The following UNC5D variants were observed in gnomAD, a reference collection of about 807,000 sequenced individuals.
UNC5D encodes the protein unc-5 netrin receptor D, also known as netrin receptor UNC5D.
UNC5D carries 39 observed loss-of-function variants against 105.4 expected under a neutral mutation model. That is an observed-to-expected ratio of 0.37 (90% CI 0.29 to 0.48). The LOEUF (loss-of-function observed/expected upper bound fraction) is 0.48, where lower values mean the gene tolerates loss of function less well. Ranked by LOEUF, UNC5D falls within the 20% of genes least tolerant of loss-of-function variation. UNC5D has a pLI of 0.98. For synonymous variants in UNC5D, 452 were observed against 450.4 expected (o/e 1.00, Z -0.04); for missense variants, 991 against 1,202.4 (o/e 0.82, Z 2.60).
At chr8:35,568,898 G>A (rs1269556726) in intron 3 of UNC5D, among the ~76,000 whole-genome samples, 1 of 152,092 alleles carries the variant, frequency 6.6e-6, no homozygotes, top group East Asian at 1.9e-4. Context: ...GGGAAAAGTT[G>A]AGCAATGACT....
At chr8:35,452,975 A>G (rs1808260738) in intron 1 of UNC5D, among the ~76,000 whole-genome samples, 1 of 152,130 alleles carries the variant, frequency 6.6e-6, no homozygotes, top group Non-Finnish European at 1.5e-5. Flanking sequence ...ATTGATGTCT[A>G]GAGTCCAAAA....
intron 16 of UNC5D, among the ~76,000 whole-genome samples, chr8:35,785,139 A>G (rs1802685179): frequency 6.6e-6 from 1 of 152,010 alleles, no homozygotes; most frequent in Non-Finnish European, 1.5e-5. Context: ...TGTATTAACA[A>G]TGTTCCCTGA....
At chr8:35,406,722 G>A (rs1172414479) in intron 1 of UNC5D, among the ~76,000 whole-genome samples, 1 of 152,160 alleles carries the variant, frequency 6.6e-6, no homozygotes, top group African/African-American at 2.4e-5. Context: ...TTGAAGTGAT[G>A]CTCTGGATTT....
At chr8:35,259,793 T>C (rs1370784935) in intron 1 of UNC5D, among the ~76,000 whole-genome samples, 1 of 151,338 alleles carries the variant, frequency 6.6e-6, no homozygotes, top group Non-Finnish European at 1.5e-5. Context: ...GTAGAAGACA[T>C]ATCCTGCGGG....
chr8:35,566,011 G>A (rs1056172449), intron 2 of UNC5D, among the ~76,000 whole-genome samples: 6 of 152,112 alleles, frequency 3.9e-5, no homozygotes, highest in African/African-American at 1.4e-4. Flanking sequence ...CAAAGCAGCA[G>A]GAACAACATC....
chr8:35,390,556 G>C (rs1803706945), intron 1 of UNC5D, among the ~76,000 whole-genome samples: 1 of 152,058 alleles, frequency 6.6e-6, no homozygotes, highest in Non-Finnish European at 1.5e-5. Context: ...AGAATTGAAA[G>C]AAAATATTGT....
chr8:35,471,074 C>A (rs1030622982), intron 1 of UNC5D, among the ~76,000 whole-genome samples: 17 of 152,092 alleles, frequency 1.1e-4, no homozygotes, highest in African/African-American at 3.9e-4. Flanking sequence ...TCTAGTACCC[C>A]GGGGCCAGTT....
chr8:35,627,974 A>AT lies in UNC5D; in HGVS notation c.570+32325dup, dbSNP rs1288399714. On this transcript the variant is annotated intron_variant, in intron 4 of 16. Coordinates refer to ENST00000404895, the MANE Select transcript of UNC5D (RefSeq NM_080872.4). ...GTATTTACTCATCTAATGGGTTTAG[A>AT]TTTTTTTTGATTGGGGGTGTGGTTG... Among the ~76,000 whole-genome samples, 6 of 152,054 alleles carry AT rather than the reference A, an allele frequency of 3.9e-5. No individual in the cohort carries two copies. The East Asian group carries it at 9.7e-4, about 25-fold the overall frequency.
intron 1 of UNC5D, among the ~76,000 whole-genome samples, chr8:35,305,920 TTCTC>T (rs1221077795): frequency 2.1e-5 from 3 of 144,978 alleles, no homozygotes; most frequent in Non-Finnish European, 4.6e-5. Context: ...TTTCATTCTT[TTCTC>T]TCTCTCTCTC....
At chr8:35,790,063 G>A (rs142834550) in intron 16 of UNC5D, among the ~76,000 whole-genome samples, 2,031 of 152,164 alleles carry the variant, frequency 0.013, 44 homozygotes, top group African/African-American at 0.045. Context: ...GCAGTGAGCT[G>A]TGACTGTGCC....
At chr8:35,644,836 T>C (rs1040515936) in intron 4 of UNC5D, among the ~76,000 whole-genome samples, 1 of 152,182 alleles carries the variant, frequency 6.6e-6, no homozygotes, top group South Asian at 2.1e-4. Flanking sequence ...AAGAGTTAGA[T>C]GTTTATGTCT....
At chr8:35,696,592 T>A (rs1165548096) in intron 7 of UNC5D, among the ~76,000 whole-genome samples, 3 of 152,112 alleles carry the variant, frequency 2.0e-5, no homozygotes, top group Non-Finnish European at 4.4e-5. Context: ...AATCTACTGT[T>A]GTGAAAAACT....
chr8:35,342,440 G>A (rs967224302), intron 1 of UNC5D, among the ~76,000 whole-genome samples: 1 of 152,102 alleles, frequency 6.6e-6, no homozygotes, highest in African/African-American at 2.4e-5. Flanking sequence ...GATTCATCAG[G>A]TAACTTGTTG....
At chr8:35,396,290 G>T (rs1055259853) in intron 1 of UNC5D, among the ~76,000 whole-genome samples, 3 of 152,062 alleles carry the variant, frequency 2.0e-5, no homozygotes, top group Admixed American at 2.0e-4. Flanking sequence ...GCATTACAAC[G>T]AAAGGTTACA....
chr8:35,413,257 C>CTGTGTGTGTGTG (rs1183992855), intron 1 of UNC5D, among the ~76,000 whole-genome samples: 1 of 130,120 alleles, frequency 7.7e-6, no homozygotes, highest in African/African-American at 3.0e-5. Context: ...GGGGGCGGGT[C>CTGTGTGTGTGTG]TGTGTGTGTG....
At chr8:35,496,280 G>T (rs556008972) in intron 1 of UNC5D, among the ~76,000 whole-genome samples, 1 of 152,150 alleles carries the variant, frequency 6.6e-6, no homozygotes, top group African/African-American at 2.4e-5. Flanking sequence ...CTAGAGTCAT[G>T]CTGAATTGCT....
intron 4 of UNC5D, among the ~76,000 whole-genome samples, chr8:35,646,781 C>G (rs947920749): frequency 1.3e-5 from 2 of 151,914 alleles, no homozygotes; most frequent in Non-Finnish European, 2.9e-5. Flanking sequence ...AATATGTTTC[C>G]AGTGAAAAAG....
intron 1 of UNC5D, among the ~76,000 whole-genome samples, chr8:35,365,861 A>G (rs1188063116): frequency 6.6e-6 from 1 of 152,190 alleles, no homozygotes; most frequent in Non-Finnish European, 1.5e-5. Flanking sequence ...GAATGAAAAA[A>G]TAAGGCAGAA....
intron 4 of UNC5D, among the ~76,000 whole-genome samples, chr8:35,619,913 T>C (rs1453476466): frequency 6.6e-6 from 1 of 152,102 alleles, no homozygotes; most frequent in African/African-American, 2.4e-5. Context: ...AGAGTGTAGA[T>C]GCTTTGTATT....
Sources: allele counts gnomAD v4.1 joint callset (sites outside exome capture counted in the v4.1 genomes callset), GRCh38; gene constraint gnomAD v4.1.1; transcripts MANE v1.5; gene names NCBI Gene and HGNC (gene_info 2026-07-23, HGNC 2026-07-21).